The following HS6ST3 variants were observed in gnomAD, a reference collection of about 807,000 sequenced individuals.
The protein encoded by HS6ST3 is heparan-sulfate 6-O-sulfotransferase 3.
In HS6ST3, 12 loss-of-function variants were observed where a neutral mutation model predicts 36.7. That is an observed-to-expected ratio of 0.33 (90% CI 0.21 to 0.53). The LOEUF (loss-of-function observed/expected upper bound fraction) is 0.53, where lower values mean the gene tolerates loss of function less well. Among genes scored for constraint, HS6ST3 ranks in the 20% least tolerant of loss-of-function variants. HS6ST3 has a pLI of 0.95. For missense variants in HS6ST3, 584 were observed against 640.9 expected (o/e 0.91, Z 0.96); for synonymous variants, 240 against 257.5 (o/e 0.93, Z 0.65).
chr13:96,581,281 A>C (rs1231930235), intron 1 of HS6ST3, among the ~76,000 whole-genome samples: 1 of 149,992 alleles, frequency 6.7e-6, no homozygotes, highest in African/African-American at 2.5e-5. Flanking sequence ...GTGCAGTGGC[A>C]TGATCTTGGC....
chr13:96,229,140 C>G (rs1392748468), intron 1 of HS6ST3, among the ~76,000 whole-genome samples: 1 of 152,122 alleles, frequency 6.6e-6, no homozygotes, highest in Admixed American at 6.5e-5. Context: ...TAATTATATA[C>G]TTAGTTTGAA....
At chr13:96,498,061 G>A (rs1274838489) in intron 1 of HS6ST3, among the ~76,000 whole-genome samples, 1 of 152,146 alleles carries the variant, frequency 6.6e-6, no homozygotes, top group Non-Finnish European at 1.5e-5. Flanking sequence ...GCTTTTACAG[G>A]GGTAGAAAAT....
intron 1 of HS6ST3, among the ~76,000 whole-genome samples, chr13:96,337,602 C>T (rs2055108453): frequency 6.6e-6 from 1 of 152,104 alleles, no homozygotes; most frequent in Non-Finnish European, 1.5e-5. Context: ...TTGTAGTTCT[C>T]AGTGCTCTGA....
chr13:96,265,010 C>G (rs2139385147), intron 1 of HS6ST3, among the ~76,000 whole-genome samples: 1 of 152,226 alleles, frequency 6.6e-6, no homozygotes, highest in South Asian at 2.1e-4. Context: ...CATTGTGGTA[C>G]TGGGTAGGAA....
intron 1 of HS6ST3, among the ~76,000 whole-genome samples, chr13:96,765,084 T>TTTTC (rs1877068832): frequency 8.5e-6 from 1 of 118,174 alleles, no homozygotes; most frequent in Non-Finnish European, 1.7e-5. Flanking sequence ...TTTTTTTTTT[T>TTTTC]GAGACGGAGT....
intron 1 of HS6ST3, among the ~76,000 whole-genome samples, chr13:96,431,865 C>T (rs913542365): frequency 1.1e-4 from 17 of 152,178 alleles, no homozygotes; most frequent in South Asian, 2.1e-4. Context: ...ACTGTACAAT[C>T]GGTTATTTGT....
chr13:96,731,250 A>G (rs1876144777), intron 1 of HS6ST3, among the ~76,000 whole-genome samples: 1 of 152,170 alleles, frequency 6.6e-6, no homozygotes, highest in Non-Finnish European at 1.5e-5. Context: ...CTCTTCCTCT[A>G]ATGATCCCAG....
At chr13:96,587,612 C>G (rs925862480) in intron 1 of HS6ST3, among the ~76,000 whole-genome samples, 2 of 152,162 alleles carry the variant, frequency 1.3e-5, no homozygotes, top group African/African-American at 4.8e-5. Context: ...GAGACCAAAT[C>G]CAACAGGTGG....
chr13:96,687,676 C>T (rs1297189415), intron 1 of HS6ST3, among the ~76,000 whole-genome samples: 3 of 151,366 alleles, frequency 2.0e-5, no homozygotes, highest in African/African-American at 7.3e-5. Context: ...AACATTATTG[C>T]GGATAAGGGC....
At position 96,834,147 on chromosome 13, in the gene HS6ST3, A is replaced by T. The variant is rs1042806687; in HGVS notation, c.*949A>T. ...CTTTTTGGAGAAGTTATGTTCTTTA[A>T]TCGGGTACTACCAGTCTTGAAATTT... On this transcript the variant is annotated 3_prime_UTR_variant, in exon 2 of 2. Coordinates refer to ENST00000376705, the MANE Select transcript of HS6ST3 (RefSeq NM_153456.4). The T allele has an allele frequency of 5.3e-5, 8 of 152,216 alleles. No homozygotes were observed. Among genetic ancestry groups the T allele is most frequent in the African/African-American group, 1.9e-4 (8 of 41,446 alleles). The allele number at this position is 152,216 out of a possible 1,614,324, so 9.4% of individuals were successfully genotyped here.
At chr13:96,423,761 C>G (rs370529764) in intron 1 of HS6ST3, among the ~76,000 whole-genome samples, 88 of 152,112 alleles carry the variant, frequency 5.8e-4, no homozygotes, top group African/African-American at 2.0e-3. Context: ...TACACTTCCT[C>G]TAACGTAGGT....
At chr13:96,198,076 T>C (rs9302092) in intron 1 of HS6ST3, among the ~76,000 whole-genome samples, 59,948 of 152,130 alleles carry the variant, frequency 0.39, 12,238 homozygotes, top group Non-Finnish European at 0.46. Context: ...TCTTGACTTC[T>C]GTGCACCCAC....
chr13:96,488,069 C>A (rs757365425), intron 1 of HS6ST3, among the ~76,000 whole-genome samples: 5 of 152,068 alleles, frequency 3.3e-5, no homozygotes, highest in Non-Finnish European at 5.9e-5. Context: ...GAATGTTTTT[C>A]TTTGCAAAAT....
At chr13:96,730,411 CTAGA>C (rs1343697452) in intron 1 of HS6ST3, among the ~76,000 whole-genome samples, 1 of 152,138 alleles carries the variant, frequency 6.6e-6, no homozygotes, top group African/African-American at 2.4e-5. Flanking sequence ...GTAAAAAGCA[CTAGA>C]TAAACACTAG....
chr13:96,670,633 A>C (rs2056679881), intron 1 of HS6ST3, among the ~76,000 whole-genome samples: 1 of 152,144 alleles, frequency 6.6e-6, no homozygotes, highest in African/African-American at 2.4e-5. Context: ...ATTGGTTGGA[A>C]GTCAGGTTGT....
chr13:96,679,714 C>T (rs551495952), intron 1 of HS6ST3, among the ~76,000 whole-genome samples: 1 of 152,268 alleles, frequency 6.6e-6, no homozygotes, highest in African/African-American at 2.4e-5. Context: ...CCCCTGTAGC[C>T]CCCTTCTTTC....
At chr13:96,299,160 C>T (rs1011454578) in intron 1 of HS6ST3, among the ~76,000 whole-genome samples, 6 of 152,144 alleles carry the variant, frequency 3.9e-5, no homozygotes, top group East Asian at 1.9e-4. Flanking sequence ...ACAAGAGAGT[C>T]GCTGCTTGCG....
intron 1 of HS6ST3, among the ~76,000 whole-genome samples, chr13:96,316,998 A>T (rs1237930298): frequency 6.6e-6 from 1 of 152,004 alleles, no homozygotes; most frequent in Non-Finnish European, 1.5e-5. Flanking sequence ...TATTTTTTAA[A>T]ATGTCAACTT....
intron 1 of HS6ST3, among the ~76,000 whole-genome samples, chr13:96,737,848 C>G (rs1383840468): frequency 6.6e-6 from 1 of 151,916 alleles, no homozygotes; most frequent in Admixed American, 6.6e-5. Flanking sequence ...GCTCTGACCC[C>G]CCTCCCATCT....
Sources: gnomAD v4.1 joint callset for allele counts (sites outside exome capture counted in the v4.1 genomes callset) on GRCh38, gnomAD v4.1.1 for gene constraint, MANE v1.5 for transcripts, NCBI Gene and HGNC (gene_info 2026-07-23, HGNC 2026-07-21) for gene names.